KLF12: variants seen among roughly 807,000 people sequenced by gnomAD.
The protein encoded by KLF12 is KLF transcription factor 12.
KLF12 carries 9 observed loss-of-function variants against 37.8 expected under a neutral mutation model. That is an observed-to-expected ratio of 0.24 (90% confidence interval 0.14 to 0.42). The LOEUF (loss-of-function observed/expected upper bound fraction) is 0.42, where lower values mean the gene tolerates loss of function less well. Ranked by LOEUF, KLF12 falls within the 10% of genes least tolerant of loss-of-function variation. KLF12 has a pLI of 1.00. For synonymous variants in KLF12, 208 were observed against 202.1 expected, an observed-to-expected ratio of 1.03 and a Z score of -0.25; for missense variants, 411 against 516.0, an observed-to-expected ratio of 0.80 and a Z score of 1.97.
intron 1 of KLF12, among the ~76,000 whole-genome samples, chr13:74,046,435 T>G (rs1189472235): frequency 6.6e-6 from 1 of 151,880 alleles, no homozygotes; most frequent in Non-Finnish European, 1.5e-5. Flanking sequence ...TAAAATAAAT[T>G]TAAAAATAAA....
the KLF12 span, among the ~76,000 whole-genome samples, chr13:74,222,687 A>G: frequency 6.6e-6 from 1 of 152,342 alleles, no homozygotes; most frequent in South Asian, 2.1e-4. Context: ...AACCTGGGAG[A>G]TATTTGGTGT....
chr13:74,040,759 C>A (rs561424942), intron 1 of KLF12, among the ~76,000 whole-genome samples: 1 of 152,210 alleles, frequency 6.6e-6, no homozygotes, highest in East Asian at 1.9e-4. Flanking sequence ...ATTCCCGAAG[C>A]TGAGGAAGTC....
intron 5 of KLF12, among the ~76,000 whole-genome samples, chr13:73,796,874 G>T (rs572579891): frequency 6.6e-6 from 1 of 152,212 alleles, no homozygotes; most frequent in East Asian, 1.9e-4. Flanking sequence ...ATACTATTTA[G>T]CAATGCAACA....
Position 73,688,048 on chromosome 13 carries a change from C to G in KLF12, c.*7442G>C, listed in dbSNP as rs1294610453. 2 of 152,544 alleles carry G rather than the reference C, an allele frequency of 1.3e-5. No individual in the cohort carries two copies. The highest frequency in any genetic ancestry group is 2.9e-5 in the Non-Finnish European group (2 of 68,026). The allele number at this position is 152,544 out of a possible 1,614,324, so 9.4% of individuals were successfully genotyped here. A position where few individuals can be genotyped will look rare whatever the true frequency, so the allele number is the denominator to read the frequency against. ...GAGCATGGAAGAGAATTTGTTTATA[C>G]AGCTTCTATCTCTTTCCCCAGCCAA... On this transcript the variant is annotated 3_prime_UTR_variant, in exon 8 of 8. Transcript: ENST00000377669.
intron 1 of KLF12, among the ~76,000 whole-genome samples, chr13:74,111,800 A>G (rs1204935937): frequency 6.6e-6 from 1 of 152,168 alleles, no homozygotes; most frequent in Non-Finnish European, 1.5e-5. Context: ...AATCCTCAAG[A>G]TGATGTTTTC....
intron 6 of KLF12, among the ~76,000 whole-genome samples, chr13:73,748,778 T>G (rs1046524724): frequency 1.3e-5 from 2 of 152,166 alleles, no homozygotes; most frequent in Non-Finnish European, 2.9e-5. Context: ...GAGGAAATGA[T>G]AGTGAAGAGT....
chr13:73,746,897 C>T (rs1283231345), intron 6 of KLF12, among the ~76,000 whole-genome samples: 1 of 146,786 alleles, frequency 6.8e-6, no homozygotes, highest in Non-Finnish European at 1.5e-5. Context: ...TCACTGCAAC[C>T]TCTGCCTCCC....
chr13:73,999,231 C>T (rs1892204737), intron 1 of KLF12, among the ~76,000 whole-genome samples: 1 of 152,018 alleles, frequency 6.6e-6, no homozygotes, highest in East Asian at 1.9e-4. Flanking sequence ...TGATAACAGA[C>T]ATCACTTCAA....
intron 3 of KLF12, among the ~76,000 whole-genome samples, chr13:73,887,240 T>A (rs1458583540): frequency 6.6e-6 from 1 of 152,192 alleles, no homozygotes; most frequent in Non-Finnish European, 1.5e-5. Context: ...ATAAAATTAA[T>A]GTAGTAAAGA....
At chr13:73,977,838 T>A (rs755015361) in intron 2 of KLF12, among the ~76,000 whole-genome samples, 3 of 152,192 alleles carry the variant, frequency 2.0e-5, no homozygotes, top group Non-Finnish European at 4.4e-5. Flanking sequence ...CAACTAATCT[T>A]TAACAAAGGT....
the KLF12 span, among the ~76,000 whole-genome samples, chr13:74,208,655 T>C: frequency 6.6e-6 from 1 of 152,048 alleles, no homozygotes; most frequent in Admixed American, 6.6e-5. Flanking sequence ...AATGAGAGCA[T>C]TAGAATCCAG....
intron 3 of KLF12, among the ~76,000 whole-genome samples, chr13:73,865,941 G>A (rs1215965497): frequency 2.0e-5 from 3 of 152,212 alleles, no homozygotes; most frequent in Admixed American, 6.5e-5. Flanking sequence ...AGTTCAAGTG[G>A]GAGTAGTAAG....
chr13:73,921,861 T>C (rs1889132540), intron 3 of KLF12, among the ~76,000 whole-genome samples: 1 of 152,174 alleles, frequency 6.6e-6, no homozygotes, highest in African/African-American at 2.4e-5. Context: ...AAGTGTCCTC[T>C]TGATTTGTTA....
At chr13:74,150,565 A>G in the KLF12 span, among the ~76,000 whole-genome samples, 1 of 152,228 alleles carries the variant, frequency 6.6e-6, no homozygotes. Flanking sequence ...CATTCTTACT[A>G]TAGATCTTAG....
At chr13:73,721,828 G>A (rs1419518316) in intron 6 of KLF12, among the ~76,000 whole-genome samples, 1 of 151,230 alleles carries the variant, frequency 6.6e-6, no homozygotes, top group Middle Eastern at 3.4e-3. Flanking sequence ...TGGGATTATA[G>A]GTATGAGACA....
intron 1 of KLF12, among the ~76,000 whole-genome samples, chr13:74,064,530 A>T (rs1873796132): frequency 6.6e-6 from 1 of 152,230 alleles, no homozygotes; most frequent in African/African-American, 2.4e-5. Flanking sequence ...GAAGCATTGG[A>T]GTCCAGAATT....
chr13:73,937,202 T>A (rs913782925), intron 3 of KLF12, among the ~76,000 whole-genome samples: 4 of 136,782 alleles, frequency 2.9e-5, no homozygotes, highest in Non-Finnish European at 3.3e-5. Flanking sequence ...AAAAAATAAA[T>A]AAATAAAAAA....
At chr13:74,069,495 G>C (rs17062073) in intron 1 of KLF12, among the ~76,000 whole-genome samples, 1 of 152,100 alleles carries the variant, frequency 6.6e-6, no homozygotes, top group Non-Finnish European at 1.5e-5. Flanking sequence ...CAACACCACA[G>C]GTCCAGGTAC....
the KLF12 span, among the ~76,000 whole-genome samples, chr13:74,159,322 A>G: frequency 9.9e-5 from 15 of 152,238 alleles, no homozygotes; most frequent in African/African-American, 3.6e-4. Flanking sequence ...TTCAAAAAAT[A>G]TAATTTCATA....
Sources: allele counts gnomAD v4.1 joint callset (sites outside exome capture counted in the v4.1 genomes callset), GRCh38; gene constraint gnomAD v4.1.1; transcripts MANE v1.5; gene names NCBI Gene and HGNC (gene_info 2026-07-23, HGNC 2026-07-21).